ORC4: variants seen among roughly 807,000 people sequenced by gnomAD.
ORC4 encodes origin recognition complex, subunit 4 homolog.
Under a neutral mutation model 63.9 loss-of-function variants are expected in ORC4, and 55 were observed. That is an observed-to-expected ratio of 0.86 (90% CI 0.69 to 1.08). The LOEUF (loss-of-function observed/expected upper bound fraction) is 1.08. Among genes scored for constraint, ORC4 ranks in the 50% least tolerant of loss-of-function variants. The pLI is 0.00. For missense variants in ORC4, 511 were observed against 504.4 expected, an observed-to-expected ratio of 1.01 and a Z score of -0.13; for synonymous variants, 150 against 168.5, an observed-to-expected ratio of 0.89 and a Z score of 0.85.
chr2:147,985,100 C>T lies in ORC4; in HGVS notation c.-17-9125G>A, dbSNP rs17225291. ...CTCAGATCCAAACCCTCACTCAGAGCCTCTTTGTCTACCACACTGATTCTG... is the reference window on the plus strand; with the variant it reads ...CTCAGATCCAAACCCTCACTCAGAGTCTCTTTGTCTACCACACTGATTCTG... On this transcript the variant is annotated intron_variant, in intron 1 of 13. Transcript: ENST00000392857. Among the ~76,000 whole-genome samples the T allele has an allele frequency of 7.2e-5, 11 of 152,350 alleles. No individual in the cohort carries two copies. The South Asian group carries it at 2.3e-3, about 32-fold the overall frequency.
chr2:147,984,877 A>C (rs1691102728), intron 1 of ORC4, among the ~76,000 whole-genome samples: 1 of 152,240 alleles, frequency 6.6e-6, no homozygotes, highest in South Asian at 2.1e-4. Flanking sequence ...AAGCAGGATG[A>C]CTAAATAATC....
At chr2:147,999,564 T>C (rs938164097) in intron 1 of ORC4, among the ~76,000 whole-genome samples, 1 of 152,148 alleles carries the variant, frequency 6.6e-6, no homozygotes, top group Non-Finnish European at 1.5e-5. Context: ...AATAAGTCTC[T>C]AGACACTGCT....
intron 1 of ORC4, among the ~76,000 whole-genome samples, chr2:147,995,157 C>T (rs1019273038): frequency 1.3e-5 from 2 of 150,706 alleles, no homozygotes; most frequent in African/African-American, 2.5e-5. Flanking sequence ...AAATGCACCA[C>T]TCAGCATTCT....
intron 1 of ORC4, among the ~76,000 whole-genome samples, chr2:147,986,588 T>A (rs1157355701): frequency 6.6e-6 from 1 of 152,080 alleles, no homozygotes; most frequent in Non-Finnish European, 1.5e-5. Flanking sequence ...AGACCAAGAC[T>A]CATACCTAGC....
intron 1 of ORC4, among the ~76,000 whole-genome samples, chr2:147,978,335 T>C (rs1377448416): frequency 6.6e-6 from 1 of 152,166 alleles, no homozygotes; most frequent in Non-Finnish European, 1.5e-5. Context: ...CAGCATATGC[T>C]ATGGGACAGA....
intron 1 of ORC4, among the ~76,000 whole-genome samples, chr2:147,983,222 T>C (rs1471068187): frequency 1.3e-5 from 2 of 152,334 alleles, no homozygotes; most frequent in East Asian, 3.9e-4. Flanking sequence ...CTTGGGTACT[T>C]ACCTGACAGA....
intron 6 of ORC4, among the ~76,000 whole-genome samples, chr2:147,956,738 A>T (rs1689271785): frequency 6.6e-6 from 1 of 152,130 alleles, no homozygotes; most frequent in African/African-American, 2.4e-5. Flanking sequence ...ATTTTTGGGT[A>T]CAACTTAAAC....
intron 1 of ORC4, among the ~76,000 whole-genome samples, chr2:147,992,971 T>C (rs1448956860): frequency 6.6e-6 from 1 of 152,182 alleles, no homozygotes; most frequent in Non-Finnish European, 1.5e-5. Context: ...TTCTGTTTGA[T>C]TGTAGGTCAT....
chr2:147,980,887 T>G (rs1217697443), intron 1 of ORC4, among the ~76,000 whole-genome samples: 1 of 152,114 alleles, frequency 6.6e-6, no homozygotes, highest in East Asian at 1.9e-4. Context: ...ACAAAGGAAA[T>G]GAAATCAATA....
chr2:147,960,190 A>G, intron 4 of ORC4: 2 of 842,584 alleles, frequency 2.4e-6, no homozygotes, highest in Non-Finnish European at 2.9e-6. Context: ...CATTTTATAT[A>G]TGCATAAGGA....
intron 4 of ORC4, among the ~76,000 whole-genome samples, chr2:147,969,561 A>C (rs990879747): frequency 7.9e-5 from 12 of 152,054 alleles, no homozygotes; most frequent in Non-Finnish European, 1.2e-4. Context: ...AGATTAGAAG[A>C]AGCAAATGAC....
chr2:147,966,237 A>G (rs1384126176), intron 4 of ORC4, among the ~76,000 whole-genome samples: 2 of 152,104 alleles, frequency 1.3e-5, no homozygotes, highest in Non-Finnish European at 2.9e-5. Context: ...AGGCAAGTTT[A>G]TATCAATATA....
At chr2:147,985,231 C>T (rs1022387629) in intron 1 of ORC4, among the ~76,000 whole-genome samples, 1 of 152,254 alleles carries the variant, frequency 6.6e-6, no homozygotes, top group African/African-American at 2.4e-5. Flanking sequence ...GAGTCTCGCT[C>T]TGTTGCCCAG....
At chr2:147,975,766 A>G in intron 2 of ORC4, 136 bp downstream of exon 2, 1 of 693,280 alleles carries the variant, frequency 1.4e-6, no homozygotes, top group Non-Finnish European at 2.6e-6. Flanking sequence ...AAGGTCTCGT[A>G]CTGATATCTC....
At chr2:147,941,370 A>T (rs985478237) in intron 10 of ORC4, among the ~76,000 whole-genome samples, 3 of 152,024 alleles carry the variant, frequency 2.0e-5, no homozygotes, top group African/African-American at 7.2e-5. Context: ...CTAGTTACCT[A>T]ATTTGCTAAA....
chr2:147,945,111 G>GT (rs1688585847), intron 9 of ORC4, among the ~76,000 whole-genome samples: 1 of 152,040 alleles, frequency 6.6e-6, no homozygotes, highest in South Asian at 2.1e-4. Flanking sequence ...TCTGTAATCT[G>GT]TAAGTTGTAA....
At chr2:148,007,212 A>G (rs1692689095) in intron 1 of ORC4, among the ~76,000 whole-genome samples, 1 of 152,210 alleles carries the variant, frequency 6.6e-6, no homozygotes, top group Non-Finnish European at 1.5e-5. Context: ...CTAGACATCA[A>G]TGAATATCCA....
intron 9 of ORC4, 69 bp downstream of exon 9, chr2:147,947,982 A>C (rs1482882214): frequency 1.6e-6 from 2 of 1,255,776 alleles, no homozygotes; most frequent in Admixed American, 3.4e-5. Context: ...ACTAATTTCT[A>C]AAATTTGTGT....
chr2:147,998,042 A>G (rs1019586220), intron 1 of ORC4, among the ~76,000 whole-genome samples: 3 of 152,214 alleles, frequency 2.0e-5, no homozygotes, highest in African/African-American at 7.2e-5. Context: ...TTTTTAGGGA[A>G]AATAGTTTTG....
Sources: gnomAD v4.1 joint callset for allele counts (sites outside exome capture counted in the v4.1 genomes callset) on GRCh38, gnomAD v4.1.1 for gene constraint, MANE v1.5 for transcripts, NCBI Gene and HGNC (gene_info 2026-07-23, HGNC 2026-07-21) for gene names.